The following ATP2B3 variants were observed in gnomAD, a reference collection of about 807,000 sequenced individuals.
ATP2B3 encodes plasma membrane calcium-transporting ATPase 3.
Under a neutral mutation model 70.8 loss-of-function variants are expected in ATP2B3, and 12 were observed. The observed-to-expected ratio is 0.17, with a 90% confidence interval of 0.11 to 0.27. The LOEUF (loss-of-function observed/expected upper bound fraction) is 0.27. Among genes scored for constraint, ATP2B3 ranks in the 10% least tolerant of loss-of-function variants. The pLI is 1.00. For synonymous variants in ATP2B3, 460 were observed against 497.8 expected (o/e 0.92, Z 1.01); for missense variants, 858 against 1,118.5 (o/e 0.77, Z 3.32).
At chrX:153,563,574 C>A (rs926658634) in intron 20 of ATP2B3, among the ~76,000 whole-genome samples, 1 of 112,001 alleles carries the variant, frequency 8.9e-6, no homozygotes, top group African/African-American at 3.2e-5. Flanking sequence ...TTTCAGAATT[C>A]TCCTTTCCCT....
At chrX:153,532,258 G>A (rs782374773) in intron 2 of ATP2B3, among the ~76,000 whole-genome samples, 126 of 112,823 alleles carry the variant, frequency 1.1e-3, no homozygotes, top group Middle Eastern at 4.6e-3. Flanking sequence ...CCATGGGAGC[G>A]GGGGTGCCCC....
At chrX:153,566,830 A>T (rs188502621) in intron 21 of ATP2B3, among the ~76,000 whole-genome samples, 273 of 111,472 alleles carry the variant, frequency 2.4e-3, no homozygotes, top group Non-Finnish European at 4.2e-3. Context: ...CCTCATGCTT[A>T]CAAAGCCCTC....
At chrX:153,565,740 C>T (rs781959481) in intron 21 of ATP2B3, among the ~76,000 whole-genome samples, 57 of 112,485 alleles carry the variant, frequency 5.1e-4, no homozygotes, top group African/African-American at 1.8e-3. Flanking sequence ...TCCTCCCGGC[C>T]AACAGTTTTG....
Position 153,536,359 on chromosome X carries a change from A to C in ATP2B3, c.112A>C (p.Met38Leu), listed in dbSNP as rs1557004025. ...CACGCTGGCGGAGCTGCGCACCCTC[A>C]TGGAGCTGCGAGGGGCCGAGGCGCT... ...GCTLAELRTL[M>L]ELRGAEALQK... The change falls in exon 3 of 22, where the codon ATG (methionine) becomes CTG (leucine). Residue 38 changes from methionine (M) to leucine (L), a missense_variant. Met to Leu is a conservative substitution (Grantham distance 15). Coordinates refer to ENST00000263519, the MANE Select transcript of ATP2B3 (RefSeq NM_001001344.3). 1 of 1,203,139 alleles carries C rather than the reference A, an allele frequency of 8.3e-7. No homozygotes were observed. The highest frequency in any genetic ancestry group is 2.2e-5 in the Admixed American group (1 of 44,990).
At chrX:153,565,737 G>A (rs1208958978) in intron 21 of ATP2B3, among the ~76,000 whole-genome samples, 5 of 112,169 alleles carry the variant, frequency 4.5e-5, no homozygotes, top group African/African-American at 1.6e-4. Flanking sequence ...ATCTCCTCCC[G>A]GCCAACAGTT....
chrX:153,532,053 G>A (rs931541992), intron 2 of ATP2B3, among the ~76,000 whole-genome samples: 1 of 110,635 alleles, frequency 9.0e-6, no homozygotes, highest in East Asian at 2.8e-4. Context: ...TCACATGGAA[G>A]GCAGGGCTGG....
intron 2 of ATP2B3, among the ~76,000 whole-genome samples, chrX:153,522,819 C>T (rs782335164): frequency 2.7e-5 from 3 of 111,658 alleles, no homozygotes; most frequent in South Asian, 7.6e-4. Context: ...ATCCGGCCAC[C>T]GCCTGGTCCT....
Position 153,553,079 on chromosome X carries a change from G to A in ATP2B3, c.1868G>A (p.Arg623Gln), listed in dbSNP as rs138987562. 20 of 1,206,263 alleles carry A rather than the reference G, an allele frequency of 1.7e-5. No homozygotes were observed. In the East Asian group the frequency reaches 3.0e-4, roughly 18 times the overall value. ...LNSNGELRGFRPRDRDDMVRK... is the reference protein window; with the variant it reads ...LNSNGELRGFQPRDRDDMVRK... ...AGCAATGGCGAACTCCGGGGCTTTC[G>A]GCCTCGGGACCGGGACGACATGGTG... Residue 623 changes from arginine (R) to glutamine (Q), a missense_variant, in exon 13 of 22, where the codon CGG becomes CAG. Transcript: ENST00000263519.
chrX:153,518,984 T>A (rs1292788659), intron 2 of ATP2B3, among the ~76,000 whole-genome samples: 1 of 111,539 alleles, frequency 9.0e-6, no homozygotes, highest in Non-Finnish European at 1.9e-5. Flanking sequence ...CGACTTCCCC[T>A]GGCTGACTTG....
chrX:153,542,085 G>T (rs1428867666), intron 5 of ATP2B3, among the ~76,000 whole-genome samples, 159 bp downstream of exon 5: 1 of 75,733 alleles, frequency 1.3e-5, no homozygotes, highest in Admixed American at 1.3e-4. Flanking sequence ...GGGAGGTGGG[G>T]GAACACGGGG....
intron 13 of ATP2B3, 144 bp downstream of exon 13, chrX:153,553,413 C>A: frequency 2.0e-6 from 1 of 501,991 alleles, no homozygotes; most frequent in Non-Finnish European, 3.3e-6. Context: ...GGTGCTCTCA[C>A]CCTGACACCC....
chrX:153,550,983 C>G (rs782437083), intron 12 of ATP2B3, among the ~76,000 whole-genome samples: 47 of 111,879 alleles, frequency 4.2e-4, no homozygotes, highest in African/African-American at 1.5e-3. Context: ...ATCTGTCTAC[C>G]AGCACGTCTA....
At position 153,564,906 on chromosome X, in the gene ATP2B3, G is replaced by C. The variant is rs782766030; in HGVS notation, c.3160-15G>C. 2 of 1,168,513 alleles carry C rather than the reference G, an allele frequency of 1.7e-6. No homozygotes were observed. The highest frequency in any genetic ancestry group is 3.5e-5 in the African/African-American group (2 of 56,398). ...CAGCCTGGCTCTCACGGCCACTTCCGTGTGGCTCCCCCAGGTCATTGCCAC... is the reference window on the plus strand; with the variant it reads ...CAGCCTGGCTCTCACGGCCACTTCCCTGTGGCTCCCCCAGGTCATTGCCAC... On this transcript the variant is annotated splice_polypyrimidine_tract_variant and intron_variant, in intron 20 of 21. Coordinates refer to ENST00000263519, the MANE Select transcript of ATP2B3 (RefSeq NM_001001344.3).
chrX:153,538,821 C>T (rs1454111462), intron 3 of ATP2B3, among the ~76,000 whole-genome samples: 1 of 113,066 alleles, frequency 8.8e-6, no homozygotes, highest in African/African-American at 3.2e-5. Flanking sequence ...GCCGTCGGGA[C>T]CCCGAGCCCA....
rs782657330 is a variant in ATP2B3 at position 153,542,345 on chromosome X, C to A, written c.687C>A (p.Gly229=). ...TAGGCGACCTGCTGCCAGCCGACGG[C>A]GTGCTCATCCAGGCCAATGACCTCA... The part of the protein sequence containing the change: ...VKYGDLLPAD[G]VLIQANDLKI... Residue 229 remains glycine (G), a synonymous_variant, in exon 6 of 22, where the codon GGC becomes GGA. Coordinates refer to ENST00000263519, the MANE Select transcript of ATP2B3 (RefSeq NM_001001344.3). 2.5e-6 allele frequency: 3 copies of A among 1,211,437 alleles called. No individual in the cohort carries two copies. Among genetic ancestry groups the A allele is most frequent in the Admixed American group, 4.3e-5 (2 of 46,090 alleles).
At chrX:153,558,647 C>T (rs782468937) in intron 17 of ATP2B3, among the ~76,000 whole-genome samples, 2 of 111,933 alleles carry the variant, frequency 1.8e-5, no homozygotes, top group African/African-American at 3.2e-5. Context: ...TTGCCTGTTC[C>T]GGACATTTCA....
At chrX:153,555,258 C>T (rs1306957678) in intron 13 of ATP2B3, among the ~76,000 whole-genome samples, 1 of 110,889 alleles carries the variant, frequency 9.0e-6, no homozygotes, top group African/African-American at 3.3e-5. Flanking sequence ...TCAGGGACTC[C>T]CAGGTCAATG....
intron 7 of ATP2B3, among the ~76,000 whole-genome samples, chrX:153,544,549 G>A (rs1262088171): frequency 1.8e-5 from 2 of 111,394 alleles, no homozygotes; most frequent in Non-Finnish European, 3.8e-5. Flanking sequence ...GAACCCTGAG[G>A]GGGCCCTGGA....
chrX:153,560,881 G>A lies in ATP2B3; in HGVS notation c.3045G>A (p.Gly1015=). The A allele has an allele frequency of 8.3e-7, 1 of 1,211,632 alleles. No individual in the cohort carries two copies. The highest frequency in any genetic ancestry group is 1.1e-6 in the Non-Finnish European group (1 of 895,394). Residue 1015 remains glycine, a synonymous_variant, in exon 19 of 22, where the codon GGG becomes GGA. Transcript: ENST00000263519. ...IFCTIVLGTF[G]IQIVIVQFGG... is the part of the protein sequence containing the mutation. ...GCACCATCGTTTTGGGCACTTTCGG[G>A]ATTCAGGTAGGAGGGGCGGCTCCAC...
Sources: allele counts gnomAD v4.1 joint callset (sites outside exome capture counted in the v4.1 genomes callset), GRCh38; gene constraint gnomAD v4.1.1; transcripts MANE v1.5; gene names NCBI Gene and HGNC (gene_info 2026-07-23, HGNC 2026-07-21).